KLF8: variants seen among roughly 807,000 people sequenced by gnomAD.
The protein encoded by KLF8 is Krueppel-like factor 8.
KLF8 carries 10 observed loss-of-function variants against 18.2 expected under a neutral mutation model. The ratio of observed to expected loss-of-function variants is 0.55; its 90% CI spans 0.34 to 0.93. KLF8 has a LOEUF of 0.93. Among genes scored for constraint, KLF8 ranks in the 40% least tolerant of loss-of-function variants. The pLI, the probability that KLF8 is intolerant of heterozygous loss-of-function variation, is 0.02. For synonymous variants in KLF8, 109 were observed against 97.3 expected (o/e 1.12, Z -0.71); for missense variants, 264 against 277.9 (o/e 0.95, Z 0.36).
intron 3 of KLF8, 179 bp from the exon 4 acceptor site, chrX:56,269,199 A>T (rs991031541): frequency 1.6e-4 from 167 of 1,036,717 alleles, no homozygotes; most frequent in Middle Eastern, 1.6e-3. Flanking sequence ...ATGCAAAAAA[A>T]AAAAATAAAA....
At chrX:56,185,355 C>G in the KLF8 span, among the ~76,000 whole-genome samples, 1 of 111,751 alleles carries the variant, frequency 8.9e-6, no homozygotes, top group Non-Finnish European at 1.9e-5. Flanking sequence ...GCAAAGCCTC[C>G]AAGAAATATG....
At chrX:56,058,291 T>C in the KLF8 span, among the ~76,000 whole-genome samples, 1,041 of 20,958 alleles carry the variant, frequency 0.05, 61 homozygotes, top group African/African-American at 0.11. Context: ...TATATATATA[T>C]ATATATATAT....
the KLF8 span, among the ~76,000 whole-genome samples, chrX:55,989,755 T>C: frequency 8.9e-6 from 1 of 112,094 alleles, no homozygotes; most frequent in Non-Finnish European, 1.9e-5. Context: ...TTTCAATTGA[T>C]TGGAATAGTT....
At chrX:56,036,579 C>T in the KLF8 span, among the ~76,000 whole-genome samples, 164 of 112,161 alleles carry the variant, frequency 1.5e-3, no homozygotes, top group Middle Eastern at 9.1e-3. Flanking sequence ...TTGATTACCA[C>T]GACTTTGTAG....
the KLF8 span, among the ~76,000 whole-genome samples, chrX:56,144,169 A>G: frequency 2.9e-4 from 32 of 111,908 alleles, no homozygotes; most frequent in Admixed American, 3.0e-3. Flanking sequence ...ATATACAAAT[A>G]TTAACTTAAA....
the KLF8 span, chrX:55,908,486 C>A: frequency 3.4e-6 from 1 of 297,589 alleles, no homozygotes. Context: ...AAAAGAAAAC[C>A]ATTGCTCTTG....
chrX:56,063,990 A>T, the KLF8 span, among the ~76,000 whole-genome samples: 1 of 108,369 alleles, frequency 9.2e-6, no homozygotes, highest in Admixed American at 1.0e-4. Context: ...CATATATATC[A>T]ATATATATAT....
At chrX:56,012,930 C>T in the KLF8 span, among the ~76,000 whole-genome samples, 1 of 111,820 alleles carries the variant, frequency 8.9e-6, no homozygotes, top group Non-Finnish European at 1.9e-5. Flanking sequence ...AAGAACAAAG[C>T]TGGAGGCATC....
the KLF8 span, among the ~76,000 whole-genome samples, chrX:55,988,182 C>T: frequency 1.8e-5 from 2 of 111,595 alleles, no homozygotes; most frequent in African/African-American, 6.5e-5. Flanking sequence ...GTTTCTTTTG[C>T]TGTGCAGAAG....
rs1034532453 is a variant in KLF8 at position 56,287,063 on chromosome X, A to G, written c.*2569A>G. 1.8e-5 allele frequency: 2 copies of G among 111,943 alleles called. No homozygotes were observed. Among genetic ancestry groups the G allele is most frequent in the African/African-American group, 6.5e-5 (2 of 30,794 alleles). The allele number at this position is 111,943 out of a possible 1,213,427, so 9.2% of individuals were successfully genotyped here. On this transcript the variant is annotated 3_prime_UTR_variant, in exon 6 of 6. Transcript: ENST00000468660. Reference sequence around the variant, plus strand: ...CTCAGAATCTTTTGCATTGAGACATATGATCTATTTATAAATAAAGGTTAT... The same window carrying G: ...CTCAGAATCTTTTGCATTGAGACATGTGATCTATTTATAAATAAAGGTTAT...
chrX:56,276,736 G>A (rs757725703), intron 5 of KLF8, among the ~76,000 whole-genome samples: 6 of 111,130 alleles, frequency 5.4e-5, no homozygotes, highest in African/African-American at 2.0e-4. Context: ...GGTCTTCTTT[G>A]GGTTAAATTT....
chrX:55,963,490 A>G, the KLF8 span, among the ~76,000 whole-genome samples: 1 of 111,747 alleles, frequency 8.9e-6, no homozygotes, highest in South Asian at 3.8e-4. Flanking sequence ...TATCTGCTCT[A>G]ATCATGTAGA....
rs1464828126 is a variant in KLF8 at position 56,291,314 on chromosome X, C to G, written c.*6820C>G. Among the ~76,000 whole-genome samples the G allele has an allele frequency of 1.8e-5, 2 of 111,306 alleles. No homozygotes were observed. The highest frequency in any genetic ancestry group is 6.5e-5 in the African/African-American group (2 of 30,594). On this transcript the variant is annotated 3_prime_UTR_variant, in exon 6 of 6. Transcript: ENST00000468660. The stretch of plus-strand genomic sequence containing the variant: ...TTGCTCCAGAGGCATGGCTTTGAGG[C>G]TAGAATCATGAGCAATCTCTCATAA...
chrX:56,179,815 AC>A, the KLF8 span, among the ~76,000 whole-genome samples: 1 of 111,792 alleles, frequency 8.9e-6, no homozygotes, highest in Non-Finnish European at 1.9e-5. Flanking sequence ...GTATGTTGAA[AC>A]AGCCTTGCAT....
At chrX:56,157,882 C>A in the KLF8 span, among the ~76,000 whole-genome samples, 2 of 111,608 alleles carry the variant, frequency 1.8e-5, no homozygotes, top group African/African-American at 6.5e-5. Context: ...TGTGCAGAAG[C>A]TCTTGAGTTT....
At chrX:56,101,162 A>C in the KLF8 span, among the ~76,000 whole-genome samples, 1 of 111,519 alleles carries the variant, frequency 9.0e-6, no homozygotes, top group Non-Finnish European at 1.9e-5. Context: ...TGTTGTTCCC[A>C]TCTTTATGTG....
chrX:56,272,085 G>A (rs1361584264), intron 5 of KLF8, among the ~76,000 whole-genome samples: 1 of 111,528 alleles, frequency 9.0e-6, no homozygotes, highest in African/African-American at 3.3e-5. Context: ...CATATGAAGG[G>A]AAAAAATGGC....
the KLF8 span, among the ~76,000 whole-genome samples, chrX:55,994,320 T>C: frequency 4.5e-5 from 5 of 111,094 alleles, no homozygotes; most frequent in Admixed American, 2.9e-4. Context: ...TTCTTTTTTC[T>C]TTATCAGTCT....
the KLF8 span, among the ~76,000 whole-genome samples, chrX:56,186,802 G>C: frequency 9.8e-5 from 11 of 112,164 alleles, no homozygotes; most frequent in African/African-American, 3.6e-4. Context: ...AATGAAGTCA[G>C]AAGTAAAGAT....
Sources: allele counts gnomAD v4.1 joint callset (sites outside exome capture counted in the v4.1 genomes callset), GRCh38; gene constraint gnomAD v4.1.1; transcripts MANE v1.5; gene names NCBI Gene and HGNC (gene_info 2026-07-23, HGNC 2026-07-21).